SRGAP3: variants seen among roughly 807,000 people sequenced by gnomAD.
SRGAP3 encodes SLIT-ROBO Rho GTPase-activating protein 3.
In SRGAP3, 39 loss-of-function variants were observed where a neutral mutation model predicts 121.1. The observed-to-expected ratio is 0.32, with a 90% CI of 0.25 to 0.42. The LOEUF is 0.42. Ranked by LOEUF, SRGAP3 falls within the 10% of genes least tolerant of loss-of-function variation. The pLI, the probability that SRGAP3 is intolerant of heterozygous loss-of-function variation, is 1.00. For missense variants in SRGAP3, 1,213 were observed against 1,470.6 expected, an observed-to-expected ratio of 0.82 and a Z score of 2.86; for synonymous variants, 601 against 570.0, an observed-to-expected ratio of 1.05 and a Z score of -0.77.
At chr3:9,340,702 G>T (rs572526012) in intron 1 of SRGAP3, among the ~76,000 whole-genome samples, 19 of 152,116 alleles carry the variant, frequency 1.2e-4, no homozygotes. Flanking sequence ...ACAATAAAAT[G>T]AGTACCCAGC....
chr3:8,987,597 G>A (rs1941790667), intron 21 of SRGAP3, among the ~76,000 whole-genome samples: 2 of 124,802 alleles, frequency 1.6e-5, no homozygotes, highest in African/African-American at 1.1e-4. Flanking sequence ...GCTGGGGTCA[G>A]GGCCCAGAGC....
At chr3:9,172,869 G>C (rs902789849) in intron 1 of SRGAP3, among the ~76,000 whole-genome samples, 1 of 152,234 alleles carries the variant, frequency 6.6e-6, no homozygotes, top group Non-Finnish European at 1.5e-5. Flanking sequence ...GCCCTGGTGC[G>C]GGGCCATTGC....
At chr3:9,362,260 G>A (rs1279780866) in intron 1 of SRGAP3, among the ~76,000 whole-genome samples, 1 of 32,586 alleles carries the variant, frequency 3.1e-5, no homozygotes, top group South Asian at 1.5e-3. Flanking sequence ...CTGCCTCCTG[G>A]GTAAGCAACT....
At chr3:9,113,868 C>T (rs718474) in intron 2 of SRGAP3, among the ~76,000 whole-genome samples, 34 of 152,124 alleles carry the variant, frequency 2.2e-4, no homozygotes, top group Non-Finnish European at 3.4e-4. Flanking sequence ...CCCAGCCATG[C>T]GAAATTGTGA....
At chr3:9,062,498 A>G (rs958144249) in intron 5 of SRGAP3, among the ~76,000 whole-genome samples, 1 of 152,194 alleles carries the variant, frequency 6.6e-6, no homozygotes, top group Admixed American at 6.5e-5. Context: ...CACCCCAGAA[A>G]GAAATGCTGC....
At chr3:9,141,320 C>T (rs1359514959) in intron 1 of SRGAP3, among the ~76,000 whole-genome samples, 3 of 152,194 alleles carry the variant, frequency 2.0e-5, no homozygotes, top group Non-Finnish European at 4.4e-5. Flanking sequence ...TTCCCTTGAC[C>T]TTCTGATGAG....
intron 1 of SRGAP3, among the ~76,000 whole-genome samples, chr3:9,178,609 C>T (rs1356193925): frequency 1.3e-5 from 2 of 152,222 alleles, no homozygotes; most frequent in African/African-American, 4.8e-5. Context: ...AATCATCCAA[C>T]TTCACAAAGC....
At chr3:9,237,691 A>T (rs569549731) in intron 1 of SRGAP3, among the ~76,000 whole-genome samples, 20 of 152,336 alleles carry the variant, frequency 1.3e-4, no homozygotes, top group African/African-American at 3.8e-4. Flanking sequence ...AAGTCCAGAA[A>T]CCAGTACAGG....
chr3:9,022,831 G>A lies in SRGAP3; in HGVS notation c.1678+2430C>T, dbSNP rs539902340. 1.7e-4 allele frequency among the ~76,000 whole-genome samples: 26 copies of A among 152,302 alleles called. No individual in the cohort carries two copies. In the South Asian group the frequency reaches 3.9e-3, roughly 23 times the overall value. ...AGAGGGAGTGAGGCCAACTGCATCC[G>A]TGAGGAAAAGAAAAAGGAAAAAATA... On this transcript the variant is annotated intron_variant, in intron 14 of 21. Coordinates refer to ENST00000383836, the MANE Select transcript of SRGAP3 (RefSeq NM_014850.4).
intron 4 of SRGAP3, among the ~76,000 whole-genome samples, chr3:9,068,939 C>T (rs1466776963): frequency 6.6e-6 from 1 of 152,074 alleles, no homozygotes; most frequent in Admixed American, 6.6e-5. Context: ...TGCACTTTAC[C>T]TATATTAACT....
intron 1 of SRGAP3, among the ~76,000 whole-genome samples, chr3:9,346,380 C>CTAT (rs1360409776): frequency 6.6e-6 from 1 of 151,932 alleles, no homozygotes; most frequent in African/African-American, 2.4e-5. Context: ...GTAGCTAGGA[C>CTAT]TATAGGCACT....
intron 11 of SRGAP3, chr3:9,035,026 C>T (rs1005014219): frequency 2.0e-5 from 3 of 151,982 alleles, no homozygotes; most frequent in African/African-American, 7.3e-5. Flanking sequence ...GCCAGTGAGC[C>T]CACAAAAGAT....
rs115134411 is a variant in SRGAP3 at position 9,166,822 on chromosome 3, C to T, written c.68-41905G>A. On this transcript the variant is annotated intron_variant, in intron 1 of 21. Transcript: ENST00000383836. ...GCCACAGAAATATCCATGCTGATGA[C>T]CAGTTATCACCCTGACTTCATTTCT... Among the ~76,000 whole-genome samples, 356 of 152,288 alleles carry T rather than the reference C, an allele frequency of 2.3e-3. 3 individuals are homozygous for T. The highest frequency in any genetic ancestry group is 8.2e-3 in the African/African-American group (341 of 41,550).
At chr3:8,992,571 G>A in intron 20 of SRGAP3, 1 of 448,012 alleles carries the variant, frequency 2.2e-6, no homozygotes, top group South Asian at 2.5e-5. Flanking sequence ...TTCTACAACA[G>A]AAAGCTGGAA....
intron 1 of SRGAP3, among the ~76,000 whole-genome samples, chr3:9,191,490 A>G (rs1034718796): frequency 1.3e-5 from 2 of 152,214 alleles, no homozygotes; most frequent in Non-Finnish European, 2.9e-5. Flanking sequence ...GCCTATGTAC[A>G]TGGGAAGGAG....
At chr3:9,006,268 T>C (rs813607) in intron 18 of SRGAP3, among the ~76,000 whole-genome samples, 123,026 of 151,576 alleles carry the variant, frequency 0.81, 50,596 homozygotes, top group African/African-American at 0.91. Flanking sequence ...GGCATGGTGG[T>C]ACATGCCTCT....
chr3:9,179,992 C>T (rs1351335350), intron 1 of SRGAP3, among the ~76,000 whole-genome samples: 1 of 152,260 alleles, frequency 6.6e-6, no homozygotes, highest in Admixed American at 6.5e-5. Context: ...TTCCAGGCTG[C>T]AGCCTGCGAG....
chr3:9,137,005 T>C (rs912712705), intron 1 of SRGAP3, among the ~76,000 whole-genome samples: 1 of 152,180 alleles, frequency 6.6e-6, no homozygotes, highest in African/African-American at 2.4e-5. Flanking sequence ...GAGCAGACAT[T>C]TTGGAGCTGT....
chr3:9,058,557 T>C (rs1273431127), intron 6 of SRGAP3, 85 bp from the exon 7 acceptor site: 1 of 1,357,242 alleles, frequency 7.4e-7, no homozygotes, highest in East Asian at 2.3e-5. Flanking sequence ...GACTTACAAT[T>C]ACCTCCCTTT....
Sources: gnomAD v4.1 joint callset for allele counts (sites outside exome capture counted in the v4.1 genomes callset) on GRCh38, gnomAD v4.1.1 for gene constraint, MANE v1.5 for transcripts, NCBI Gene and HGNC (gene_info 2026-07-23, HGNC 2026-07-21) for gene names.